The following PITPNC1 variants were observed in gnomAD, a reference collection of about 807,000 sequenced individuals.
PITPNC1 encodes the protein cytoplasmic phosphatidylinositol transfer protein 1.
A neutral mutation model predicts 44.7 loss-of-function variants in PITPNC1; 18 were observed. The observed-to-expected ratio is 0.40, with a 90% CI of 0.28 to 0.60. The LOEUF is 0.60. Ranked by LOEUF, PITPNC1 falls within the 20% of genes least tolerant of loss-of-function variation. The pLI is 0.39. For synonymous variants in PITPNC1, 141 were observed against 149.6 expected (o/e 0.94, Z 0.42); for missense variants, 290 against 418.4 (o/e 0.69, Z 2.68).
At chr17:67,627,254 A>T (rs76200044) in intron 5 of PITPNC1, among the ~76,000 whole-genome samples, 1 of 152,244 alleles carries the variant, frequency 6.6e-6, no homozygotes, top group African/African-American at 2.4e-5. Flanking sequence ...ACTTCATCTC[A>T]AAAAGAAAAG....
At chr17:67,599,184 A>C (rs1042508481) in intron 5 of PITPNC1, among the ~76,000 whole-genome samples, 1 of 151,302 alleles carries the variant, frequency 6.6e-6, no homozygotes, top group African/African-American at 2.4e-5. Flanking sequence ...TTGTTCACAC[A>C]CTACCCAGTT....
chr17:67,463,148 A>C (rs550510814), intron 1 of PITPNC1, among the ~76,000 whole-genome samples: 52 of 151,284 alleles, frequency 3.4e-4, no homozygotes, highest in Admixed American at 1.7e-3. Flanking sequence ...TAGCATTTGT[A>C]TTTTTCAAAC....
chr17:67,441,964 G>A (rs780157784), intron 1 of PITPNC1, among the ~76,000 whole-genome samples: 28 of 151,836 alleles, frequency 1.8e-4, no homozygotes, highest in South Asian at 4.2e-4. Flanking sequence ...CCCCTGAAGC[G>A]TTTGTGATTT....
intron 1 of PITPNC1, among the ~76,000 whole-genome samples, chr17:67,513,489 G>GTGTGTA (rs772483698): frequency 5.0e-5 from 7 of 138,670 alleles, no homozygotes; most frequent in African/African-American, 8.0e-5. Flanking sequence ...GTGTGTGTGT[G>GTGTGTA]TATATATATA....
intron 5 of PITPNC1, among the ~76,000 whole-genome samples, chr17:67,591,156 A>G (rs370399580): frequency 1.3e-5 from 2 of 152,154 alleles, no homozygotes; most frequent in South Asian, 2.1e-4. Context: ...AAAACCCATA[A>G]GCTAAATCTA....
chr17:67,510,021 G>A (rs1294404414), intron 1 of PITPNC1, among the ~76,000 whole-genome samples: 1 of 152,188 alleles, frequency 6.6e-6, no homozygotes, highest in Non-Finnish European at 1.5e-5. Flanking sequence ...GCAGAGGTTT[G>A]GGAATTATTT....
intron 1 of PITPNC1, among the ~76,000 whole-genome samples, chr17:67,507,890 C>T (rs1485045311): frequency 6.6e-6 from 1 of 151,992 alleles, no homozygotes; most frequent in Non-Finnish European, 1.5e-5. Flanking sequence ...CGCTCCATGG[C>T]TTCACTGACC....
intron 1 of PITPNC1, among the ~76,000 whole-genome samples, chr17:67,404,055 C>G (rs1224872637): frequency 6.6e-6 from 1 of 152,156 alleles, no homozygotes; most frequent in African/African-American, 2.4e-5. Flanking sequence ...GGCTTTTTGG[C>G]TACAAATTCC....
intron 4 of PITPNC1, among the ~76,000 whole-genome samples, chr17:67,554,253 ATTTT>A (rs11413972): frequency 9.0e-6 from 1 of 111,124 alleles, no homozygotes. Context: ...ATAGTTTATG[ATTTT>A]TTTTTTTTTT....
intron 1 of PITPNC1, among the ~76,000 whole-genome samples, chr17:67,528,667 G>T (rs2040421276): frequency 1.3e-5 from 2 of 152,168 alleles, no homozygotes; most frequent in South Asian, 4.1e-4. Context: ...AGTGCTGATG[G>T]CTGCCTTCAC....
At chr17:67,538,713 C>G (rs1016456307) in intron 2 of PITPNC1, among the ~76,000 whole-genome samples, 1 of 151,386 alleles carries the variant, frequency 6.6e-6, no homozygotes, top group Non-Finnish European at 1.5e-5. Flanking sequence ...TAGACTAGAA[C>G]TAATTAAATA....
At chr17:67,475,515 G>A (rs983030851) in intron 1 of PITPNC1, among the ~76,000 whole-genome samples, 4 of 152,128 alleles carry the variant, frequency 2.6e-5, no homozygotes, top group Admixed American at 1.3e-4. Flanking sequence ...TTCAAACATA[G>A]CGAACACGAC....
At chr17:67,447,992 C>T (rs2039124474) in intron 1 of PITPNC1, among the ~76,000 whole-genome samples, 3 of 151,926 alleles carry the variant, frequency 2.0e-5, no homozygotes, top group Admixed American at 2.0e-4. Flanking sequence ...GTCGCCCAGG[C>T]TGGAGTGCAG....
intron 6 of PITPNC1, among the ~76,000 whole-genome samples, chr17:67,634,180 T>C (rs537226016): frequency 6.6e-6 from 1 of 152,190 alleles, no homozygotes; most frequent in Non-Finnish European, 1.5e-5. Flanking sequence ...TAGAGTATTC[T>C]TCCCTGGATG....
In PITPNC1 at chr17:67,599,034, A is replaced by ATT. The variant is rs1160152426; in HGVS notation, c.366+20796_366+20797dup. ...TATATATATATATATATATATATAT[A>ATT]TTTTTTTTTTTTTTTTTTTTACCAT... On this transcript the variant is annotated intron_variant, in intron 5 of 8. Coordinates refer to ENST00000581322, the MANE Select transcript of PITPNC1 (RefSeq NM_012417.4). 7.9e-4 allele frequency among the ~76,000 whole-genome samples: 28 copies of ATT among 35,658 alleles called. 1 individual carries two copies. The highest frequency in any genetic ancestry group is 1.3e-3 in the South Asian group (1 of 764). The allele number at this position is 35,658 out of a possible 152,430, so 23.4% of individuals were successfully genotyped here. A position where few individuals can be genotyped will look rare whatever the true frequency, so the allele number is the denominator to read the frequency against.
chr17:67,644,393 C>T (rs984596801), intron 6 of PITPNC1, among the ~76,000 whole-genome samples: 3 of 149,880 alleles, frequency 2.0e-5, no homozygotes, highest in Non-Finnish European at 4.4e-5. Flanking sequence ...AGCTCTTCTT[C>T]AGTTCCATCT....
rs188220866 is a variant in PITPNC1 at position 67,599,869 on chromosome 17, A to G, written c.366+21612A>G. 3.6e-3 allele frequency among the ~76,000 whole-genome samples: 552 copies of G among 152,330 alleles called. 5 individuals are homozygous for G. Among genetic ancestry groups the G allele is most frequent in the East Asian group, 5.8e-3 (30 of 5,190 alleles). On this transcript the variant is annotated intron_variant, in intron 5 of 8. Transcript: ENST00000581322. Reference sequence around the variant, plus strand: ...GGTGTATCTCCTCTGTTCCAAACGCATAGCAGTGACAGATAAAATACAAAG... The same window carrying G: ...GGTGTATCTCCTCTGTTCCAAACGCGTAGCAGTGACAGATAAAATACAAAG...
At chr17:67,625,692 C>A (rs1031405140) in intron 5 of PITPNC1, among the ~76,000 whole-genome samples, 11 of 152,154 alleles carry the variant, frequency 7.2e-5, no homozygotes, top group African/African-American at 2.4e-4. Flanking sequence ...CCCAAGTTGG[C>A]TGACTGTGGG....
intron 8 of PITPNC1, among the ~76,000 whole-genome samples, chr17:67,679,667 T>G (rs761632279): frequency 2.0e-5 from 3 of 152,226 alleles, no homozygotes; most frequent in Non-Finnish European, 4.4e-5. Flanking sequence ...GAGATTTTAT[T>G]CTGTTCGTGT....
Sources: gnomAD v4.1 joint callset for allele counts (sites outside exome capture counted in the v4.1 genomes callset) on GRCh38, gnomAD v4.1.1 for gene constraint, MANE v1.5 for transcripts, NCBI Gene and HGNC (gene_info 2026-07-23, HGNC 2026-07-21) for gene names.